Variants in KRT84 observed in about 807,000 individuals in gnomAD.
KRT84 encodes keratin 84.
A neutral mutation model predicts 49.0 loss-of-function variants in KRT84; 38 were observed. The ratio of observed to expected loss-of-function variants is 0.78; its 90% CI spans 0.60 to 1.02. The LOEUF (loss-of-function observed/expected upper bound fraction) is 1.02. Among genes scored for constraint, KRT84 ranks in the 50% least tolerant of loss-of-function variants. The pLI, the probability that KRT84 is intolerant of heterozygous loss-of-function variation, is 0.00. For missense variants in KRT84, 860 were observed against 788.6 expected, an observed-to-expected ratio of 1.09 and a Z score of -1.08; for synonymous variants, 334 against 312.8, an observed-to-expected ratio of 1.07 and a Z score of -0.72.
intron 6 of KRT84, 68 bp downstream of exon 6, chr12:52,381,012 G>T (rs977929171): frequency 2.5e-6 from 4 of 1,580,310 alleles, no homozygotes; most frequent in Admixed American, 3.5e-5. Flanking sequence ...CATTAGACTT[G>T]GGGGTTCCCA....
At chr12:52,383,130 C>G (rs1029403183) in intron 2 of KRT84, 65 bp from the exon 3 acceptor site, 7 of 1,319,846 alleles carry the variant, frequency 5.3e-6, no homozygotes, top group Non-Finnish European at 7.7e-6. Flanking sequence ...TCCCAACTCC[C>G]CAGTGAACCT....
chr12:52,380,243 A>G, intron 7 of KRT84, 120 bp downstream of exon 7: 1 of 1,208,018 alleles, frequency 8.3e-7, no homozygotes, highest in South Asian at 1.5e-5. Context: ...TTTGCAGAGA[A>G]GGTATTGTCA....
In KRT84 at chr12:52,380,502, C is replaced by G; in HGVS notation, c.1285G>C (p.Asp429His). The change falls in exon 7 of 9, where the codon GAT (aspartate) becomes CAT (histidine). Residue 429 changes from aspartate to histidine, a missense_variant. Physicochemically the swap from Asp to His is moderately conservative, Grantham distance 81 (BLOSUM62 -1). Coordinates refer to ENST00000257951, the MANE Select transcript of KRT84 (RefSeq NM_033045.4). ...TLSDAKCKLA[D>H]LECALQQAKQ... is the part of the protein sequence containing the mutation. ...GCCTGCTGCAGGGCACACTCCAGAT[C>G]TGCCAGCTTGCATTTGGCATCACTG... 1 of 1,614,108 alleles carries G rather than the reference C, an allele frequency of 6.2e-7. No individual in the cohort carries two copies. The highest frequency in any genetic ancestry group is 8.5e-7 in the Non-Finnish European group (1 of 1,179,938).
chr12:52,380,086 A>G (rs548196277), intron 7 of KRT84, among the ~76,000 whole-genome samples, 179 bp from the exon 8 acceptor site: 1 of 152,216 alleles, frequency 6.6e-6, no homozygotes, highest in African/African-American at 2.4e-5. Flanking sequence ...CAAAACCATT[A>G]GATTAAAATA....
chr12:52,381,209 C>A lies in KRT84; in HGVS notation c.1078-4G>T. ...CTGTCACCTGCATCTCTTCATACTG[C>A]GGAGAGAGGAGGGTATTTTGAGGGT... On this transcript the variant is annotated splice_region_variant and splice_polypyrimidine_tract_variant and intron_variant, in intron 5 of 8. Coordinates refer to ENST00000257951, the MANE Select transcript of KRT84 (RefSeq NM_033045.4). 6.2e-7 allele frequency: 1 copy of A among 1,613,776 alleles called. No homozygotes were observed. The highest frequency in any genetic ancestry group is 8.5e-7 in the Non-Finnish European group (1 of 1,179,902).
intron 6 of KRT84, 92 bp downstream of exon 6, chr12:52,380,988 G>T (rs1215234483): frequency 1.9e-5 from 29 of 1,501,384 alleles, no homozygotes; most frequent in Non-Finnish European, 2.5e-5. Flanking sequence ...GGGTCTTGAT[G>T]GTCTCCCTCA....
In KRT84 at chr12:52,385,325, A is replaced by G; in HGVS notation, c.261T>C (p.Phe87=). Residue 87 remains phenylalanine, a synonymous_variant, in exon 1 of 9, where the codon TTT becomes TTC. Transcript: ENST00000257951. The part of the protein sequence containing the change: ...VRFGAGCGMG[F]GDGRGVGLGP... Reference sequence around the variant, plus strand: ...CCAGACCAACACCTCTCCCATCACCAAAACCCATCCCACAGCCAGCACCAA... The same window carrying G: ...CCAGACCAACACCTCTCCCATCACCGAAACCCATCCCACAGCCAGCACCAA... 3 of 1,614,146 alleles carry G rather than the reference A, an allele frequency of 1.9e-6. No individual in the cohort carries two copies. Among genetic ancestry groups the G allele is most frequent in the Non-Finnish European group, 2.5e-6 (3 of 1,180,042 alleles).
Position 52,380,417 on chromosome 12 carries a change from C to A in KRT84, c.1370G>T (p.Gly457Val), listed in dbSNP as rs1939461196. 6.2e-7 allele frequency: 1 copy of A among 1,614,222 alleles called. No individual in the cohort carries two copies. Among genetic ancestry groups the A allele is most frequent in the Non-Finnish European group, 8.5e-7 (1 of 1,180,040 alleles). Residue 457 changes from glycine (G) to valine (V), a missense_variant, in exon 7 of 9, where the codon GGC becomes GTC. Physicochemically the swap from Gly to Val is moderately radical, Grantham distance 109. Transcript: ENST00000257951. ...GTAGGTGGCGATCTCGATGTCCAGG[C>A]CCAGCTTGGCATTCATCAGCTCCTG... ...EYQELMNAKL[G>V]LDIEIATYRR...
chr12:52,380,095 T>C (rs1939454549), intron 7 of KRT84, among the ~76,000 whole-genome samples, 188 bp from the exon 8 acceptor site: 1 of 152,170 alleles, frequency 6.6e-6, no homozygotes, highest in Admixed American at 6.5e-5. Context: ...TAGATTAAAA[T>C]ATTTAAGGAA....
chr12:52,381,684 A>G (rs946567665), intron 4 of KRT84, among the ~76,000 whole-genome samples, 159 bp from the exon 5 acceptor site: 1 of 152,190 alleles, frequency 6.6e-6, no homozygotes, highest in Admixed American at 6.5e-5. Context: ...AGAAAAAGAC[A>G]TGTCTGAGAA....
rs763322644 is a variant in KRT84, at chr12:52,381,479, A to G, written c.959T>C (p.Val320Ala). 1.2e-6 allele frequency: 2 copies of G among 1,614,128 alleles called. No homozygotes were observed. Among genetic ancestry groups the G allele is most frequent in the Non-Finnish European group, 1.7e-6 (2 of 1,180,028 alleles). ...QSHISETSVI[V>A]KMDNSRDLNL... ...CAGGTCACGGCTGTTGTCCATCTTC[A>G]CAATGACCGACGTCTCTGAGATGTG... The change falls in exon 5 of 9, where the codon GTG (valine) becomes GCG (alanine). Residue 320 changes from valine (V) to alanine (A), a missense_variant. Transcript: ENST00000257951.
At chr12:52,380,655 C>A in intron 6 of KRT84, 72 bp from the exon 7 acceptor site, 1 of 1,438,022 alleles carries the variant, frequency 7.0e-7, no homozygotes, top group Non-Finnish European at 9.3e-7. Flanking sequence ...AGAAACACGG[C>A]CCCTCTTAGT....
rs960000447 is a variant in KRT84 at position 52,383,776 on chromosome 12, T to C, written c.569A>G (p.Asn190Ser). ...GCTCCACTTGGTCTCTAGGAGCTTATTCTGCTGCTCTAGGAACCGAACCTA... is the reference window on the plus strand; with the variant it reads ...GCTCCACTTGGTCTCTAGGAGCTTACTCTGCTGCTCTAGGAACCGAACCTA... ...IDKVRFLEQQ[N>S]KLLETKWSFL... The change falls in exon 2 of 9, where the codon AAT becomes AGT. Residue 190 changes from asparagine (N) to serine (S), a missense_variant. Transcript: ENST00000257951. 2 of 1,613,446 alleles carry C rather than the reference T, an allele frequency of 1.2e-6. No homozygotes were observed. The highest frequency in any genetic ancestry group is 3.3e-5 in the Admixed American group (2 of 60,004).
At chr12:52,380,261 A>T in intron 7 of KRT84, 102 bp downstream of exon 7, 8 of 1,371,408 alleles carry the variant, frequency 5.8e-6, no homozygotes, top group Non-Finnish European at 8.0e-6. Flanking sequence ...TCATCTTTAA[A>T]GACTATGTAT....
In KRT84 at chr12:52,385,124, A is replaced by C. The variant is rs1297644751; in HGVS notation, c.462T>G (p.Ile154Met). The C allele has an allele frequency of 1.3e-6, 2 of 1,598,690 alleles. No homozygotes were observed. Among genetic ancestry groups the C allele is most frequent in the Non-Finnish European group, 8.5e-7 (1 of 1,172,392 alleles). Residue 154 changes from isoleucine to methionine, a missense_variant, in exon 1 of 9, where the codon ATT becomes ATG. Physicochemically the swap from Ile to Met is conservative, Grantham distance 10. Transcript: ENST00000257951. ...KSLLTPLNLE[I>M]DPNAQRVKKD... ...TCTTCACCCTCTGGGCATTGGGGTC[A>C]ATCTCCAGGTTGAGGGGGGTCAGTA...
At chr12:52,378,620 C>T (rs988476805) in intron 8 of KRT84, among the ~76,000 whole-genome samples, 3 of 152,226 alleles carry the variant, frequency 2.0e-5, no homozygotes, top group Non-Finnish European at 4.4e-5. Flanking sequence ...TCATCCAATT[C>T]CCCAGATGTT....
rs1203857197 is a variant in KRT84 at position 52,380,409 on chromosome 12, T to C, written c.1378A>G (p.Ile460Val). Reference sequence around the variant, plus strand: ...AGGCGCCTGTAGGTGGCGATCTCGATGTCCAGGCCCAGCTTGGCATTCATC... The same window carrying C: ...AGGCGCCTGTAGGTGGCGATCTCGACGTCCAGGCCCAGCTTGGCATTCATC... ...ELMNAKLGLD[I>V]EIATYRRLLE... The change falls in exon 7 of 9, where the codon ATC (isoleucine) becomes GTC (valine). Residue 460 changes from isoleucine (I) to valine (V), a missense_variant. Ile to Val is a conservative substitution (Grantham distance 29). Coordinates refer to ENST00000257951, the MANE Select transcript of KRT84 (RefSeq NM_033045.4). The C allele has an allele frequency of 1.2e-6, 2 of 1,614,214 alleles. No individual in the cohort carries two copies. The highest frequency in any genetic ancestry group is 8.5e-7 in the Non-Finnish European group (1 of 1,180,030).
At chr12:52,379,027 C>T (rs1235630960) in intron 8 of KRT84, among the ~76,000 whole-genome samples, 1 of 152,196 alleles carries the variant, frequency 6.6e-6, no homozygotes, top group Non-Finnish European at 1.5e-5. Context: ...CCATGATGTT[C>T]ACTCAAGCTT....
chr12:52,383,245 C>T (rs2121440627), intron 2 of KRT84, among the ~76,000 whole-genome samples, 180 bp from the exon 3 acceptor site: 1 of 152,280 alleles, frequency 6.6e-6, no homozygotes, highest in African/African-American at 2.4e-5. Context: ...TAAGCCAGTG[C>T]CTCTCAGTTT....
Sources: allele counts gnomAD v4.1 joint callset (sites outside exome capture counted in the v4.1 genomes callset), GRCh38; gene constraint gnomAD v4.1.1; transcripts MANE v1.5; gene names NCBI Gene and HGNC (gene_info 2026-07-23, HGNC 2026-07-21).